The following HDAC9 variants were observed in gnomAD, a reference collection of about 807,000 sequenced individuals.
HDAC9 encodes the protein MEF-2 interacting transcription repressor (MITR) protein.
Under a neutral mutation model 139.4 loss-of-function variants are expected in HDAC9, and 41 were observed. The observed-to-expected ratio is 0.29, with a 90% confidence interval of 0.23 to 0.38. HDAC9 has a LOEUF of 0.38. HDAC9 is among the 10% of genes least tolerant of loss of function. The pLI is 1.00. For missense variants in HDAC9, 1,147 were observed against 1,297.0 expected, an observed-to-expected ratio of 0.88 and a Z score of 1.78; for synonymous variants, 517 against 476.2, an observed-to-expected ratio of 1.09 and a Z score of -1.12.
chr7:18,088,485 A>C (rs1183714584), intron 1 of HDAC9, among the ~76,000 whole-genome samples: 1 of 152,242 alleles, frequency 6.6e-6, no homozygotes, highest in Non-Finnish European at 1.5e-5. Flanking sequence ...GGAAAAAAAC[A>C]TTGAAAATCT....
chr7:18,322,226 A>G (rs901149958), intron 1 of HDAC9, among the ~76,000 whole-genome samples: 2 of 152,214 alleles, frequency 1.3e-5, no homozygotes, highest in Non-Finnish European at 2.9e-5. Flanking sequence ...TTCTAGTCCC[A>G]TACTTTAGGA....
chr7:18,773,825 T>C (rs1337889539), intron 16 of HDAC9, among the ~76,000 whole-genome samples: 1 of 152,108 alleles, frequency 6.6e-6, no homozygotes, highest in Non-Finnish European at 1.5e-5. Context: ...ATCTGTCATA[T>C]TTCCACTCCG....
intron 2 of HDAC9, among the ~76,000 whole-genome samples, chr7:18,257,401 CCACACACACACA>C (rs773964606): frequency 1.5e-4 from 19 of 130,860 alleles, no homozygotes; most frequent in Admixed American, 7.6e-4. Flanking sequence ...TCTGTCTCTC[CCACACACACACA>C]CACACACACA....
intron 21 of HDAC9, among the ~76,000 whole-genome samples, chr7:18,873,206 G>A (rs1286819851): frequency 6.6e-6 from 1 of 151,998 alleles, no homozygotes; most frequent in South Asian, 2.1e-4. Flanking sequence ...TTGTATTGAA[G>A]AAAAAACATA....
intron 1 of HDAC9, among the ~76,000 whole-genome samples, chr7:18,341,392 A>G (rs142172320): frequency 2.6e-5 from 4 of 151,920 alleles, no homozygotes; most frequent in African/African-American, 4.8e-5. Context: ...AAATGCTCCC[A>G]CATGTTGACA....
intron 2 of HDAC9, among the ~76,000 whole-genome samples, chr7:18,515,873 T>C (rs1485917886): frequency 6.6e-6 from 1 of 152,246 alleles, no homozygotes; most frequent in African/African-American, 2.4e-5. Context: ...GCGTTTGCAC[T>C]TTAAATGTTC....
chr7:18,195,229 C>T (rs1367695179), intron 2 of HDAC9, among the ~76,000 whole-genome samples: 1 of 151,898 alleles, frequency 6.6e-6, no homozygotes, highest in Non-Finnish European at 1.5e-5. Context: ...CCTAAGGTTC[C>T]CATATTTTTA....
At chr7:18,493,252 G>T (rs554533925), upstream of HDAC9, among the ~76,000 whole-genome samples, 23 of 151,900 alleles carry the variant, frequency 1.5e-4, no homozygotes, top group Middle Eastern at 3.4e-3. Context: ...TATCAATATG[G>T]TGATTTTGTT....
At chr7:18,660,858 C>A (rs760386504) in intron 11 of HDAC9, among the ~76,000 whole-genome samples, 1 of 151,992 alleles carries the variant, frequency 6.6e-6, no homozygotes. Flanking sequence ...CAACTAAGGT[C>A]GGAGAAGTTG....
chr7:18,270,548 G>T (rs1796289272), intron 2 of HDAC9, among the ~76,000 whole-genome samples: 1 of 152,120 alleles, frequency 6.6e-6, no homozygotes, highest in African/African-American at 2.4e-5. Context: ...AAAACAGGTT[G>T]TCTATCAAAA....
At chr7:18,208,280 C>T (rs946173290) in intron 2 of HDAC9, among the ~76,000 whole-genome samples, 5 of 152,060 alleles carry the variant, frequency 3.3e-5, no homozygotes, top group Admixed American at 1.3e-4. Context: ...CTTAACATCA[C>T]CTGCAACAAA....
chr7:18,305,266 A>T (rs140336839), intron 1 of HDAC9, among the ~76,000 whole-genome samples: 23 of 152,310 alleles, frequency 1.5e-4, no homozygotes, highest in Non-Finnish European at 2.9e-4. Context: ...CAAAAATCGT[A>T]TACCCTCCAC....
At chr7:18,647,675 G>C (rs749228455) in intron 9 of HDAC9, 110 bp from the exon 10 acceptor site, 28 of 853,468 alleles carry the variant, frequency 3.3e-5, no homozygotes, top group Non-Finnish European at 5.0e-5. Context: ...GGGTAAGATG[G>C]GGCTTTTGTT....
intron 1 of HDAC9, among the ~76,000 whole-genome samples, chr7:18,333,959 A>G (rs1194749255): frequency 6.6e-6 from 1 of 151,336 alleles, no homozygotes; most frequent in Non-Finnish European, 1.5e-5. Flanking sequence ...TTATAAGCTA[A>G]CACACTGTGA....
intron 23 of HDAC9, among the ~76,000 whole-genome samples, chr7:18,946,139 T>A (rs1782389666): frequency 6.7e-6 from 1 of 150,108 alleles, no homozygotes; most frequent in South Asian, 2.1e-4. Flanking sequence ...GAGTCTATTC[T>A]ATTTCACAGG....
At chr7:18,273,259 G>A (rs562747515) in intron 2 of HDAC9, among the ~76,000 whole-genome samples, 2 of 151,586 alleles carry the variant, frequency 1.3e-5, no homozygotes, top group East Asian at 3.9e-4. Context: ...TGTAGATTTA[G>A]GGTCTCCCTT....
At chr7:18,518,070 A>G (rs1803814886) in intron 2 of HDAC9, 1 of 152,194 alleles carries the variant, frequency 6.6e-6, no homozygotes, top group Non-Finnish European at 1.5e-5. Context: ...TTTTCACCAT[A>G]AGCAAATAAT....
intron 1 of HDAC9, chr7:18,127,423 C>T (rs1041987125): frequency 1.2e-5 from 2 of 169,484 alleles, no homozygotes; most frequent in Admixed American, 1.3e-4. Context: ...TTAAGTCTGT[C>T]CAGGAACCCC....
At chr7:18,456,607 A>G (rs1793374781) in intron 1 of HDAC9, among the ~76,000 whole-genome samples, 1 of 152,124 alleles carries the variant, frequency 6.6e-6, no homozygotes, top group Non-Finnish European at 1.5e-5. Context: ...AAAACAGTTG[A>G]TGGAAGATAT....
Sources: gnomAD v4.1 joint callset for allele counts (sites outside exome capture counted in the v4.1 genomes callset) on GRCh38, gnomAD v4.1.1 for gene constraint, MANE v1.5 for transcripts, NCBI Gene and HGNC (gene_info 2026-07-23, HGNC 2026-07-21) for gene names.